Variants in TRPC5 observed in about 807,000 individuals in gnomAD.
TRPC5 encodes the protein transient receptor potential cation channel subfamily C member 5, also known as short transient receptor potential channel 5.
TRPC5 carries 9 observed loss-of-function variants against 56.5 expected under a neutral mutation model. That is an observed-to-expected ratio of 0.16 (90% CI 0.10 to 0.28). The LOEUF (loss-of-function observed/expected upper bound fraction) is 0.28, where lower values mean the gene tolerates loss of function less well. Among genes scored for constraint, TRPC5 ranks in the 10% least tolerant of loss-of-function variants. The probability of loss-of-function intolerance (pLI) is 1.00; values close to 1 mark genes in which losing one functional copy is unlikely to be tolerated. For missense variants in TRPC5, 469 were observed against 748.9 expected (o/e 0.63, Z 4.36); for synonymous variants, 282 against 278.5 (o/e 1.01, Z -0.13).
chrX:111,879,528 C>T (rs1296522779), intron 3 of TRPC5, among the ~76,000 whole-genome samples: 1 of 112,270 alleles, frequency 8.9e-6, no homozygotes. Flanking sequence ...TCCAATAAAC[C>T]AGTCAGCACA....
Position 111,853,661 on chromosome X carries a change from T to C in TRPC5, c.1237+109A>G, listed in dbSNP as rs907033028. On this transcript the variant is annotated intron_variant, in intron 4 of 10. Transcript: ENST00000262839. ...AAAGGACTACCACACTGCATGGGGG[T>C]GGGGTGGGGGTGCCCTAGTTCAGAG... 8.8e-6 allele frequency: 6 copies of C among 679,521 alleles called. No homozygotes were observed. The African/African-American group carries it at 1.3e-4, about 15-fold the overall frequency. The allele number at this position is 679,521 out of a possible 1,213,427, so 56.0% of individuals were successfully genotyped here.
At chrX:111,924,272 G>T (rs1216151035) in intron 2 of TRPC5, among the ~76,000 whole-genome samples, 1 of 110,928 alleles carries the variant, frequency 9.0e-6, no homozygotes, top group Admixed American at 9.6e-5. Context: ...GAGCACATTT[G>T]CCAGCAAAAC....
At chrX:112,037,721 T>A (rs985176895) in intron 1 of TRPC5, among the ~76,000 whole-genome samples, 22 of 111,404 alleles carry the variant, frequency 2.0e-4, no homozygotes, top group Non-Finnish European at 2.6e-4. Flanking sequence ...TGCATTTTTT[T>A]AAAAAAAAGT....
rs755613492 is a variant in TRPC5 at position 111,813,657 on chromosome X, C to T, written c.1896+21264G>A. 2.7e-5 allele frequency among the ~76,000 whole-genome samples: 3 copies of T among 112,364 alleles called. No individual in the cohort carries two copies. The South Asian group carries it at 1.1e-3, about 42-fold the overall frequency. On this transcript the variant is annotated intron_variant, in intron 7 of 10. Transcript: ENST00000262839. ...TAATACAAAGGGAGAGTGGCAGGCA[C>T]AAACACAGCAAAAGCAGAGCTAATG...
chrX:111,970,979 C>T (rs1044297592), intron 1 of TRPC5, among the ~76,000 whole-genome samples: 19 of 110,396 alleles, frequency 1.7e-4, no homozygotes, highest in African/African-American at 6.3e-4. Context: ...GGGGTTTCAC[C>T]GTGTTAGCCA....
At chrX:112,023,246 GTTTTT>G (rs1163231468) in intron 1 of TRPC5, among the ~76,000 whole-genome samples, 3 of 56,702 alleles carry the variant, frequency 5.3e-5, no homozygotes, top group Non-Finnish European at 9.5e-5. Context: ...TTTTTTTTTT[GTTTTT>G]TTTTTTTTTT....
At chrX:112,000,552 G>A (rs902131052) in intron 1 of TRPC5, among the ~76,000 whole-genome samples, 1 of 111,398 alleles carries the variant, frequency 9.0e-6, no homozygotes, top group Admixed American at 9.5e-5. Flanking sequence ...TTTGAGCTAG[G>A]AGAGCCTGGG....
chrX:112,052,231 G>A (rs753153312), intron 1 of TRPC5, among the ~76,000 whole-genome samples: 8 of 111,021 alleles, frequency 7.2e-5, no homozygotes, highest in Non-Finnish European at 1.3e-4. Flanking sequence ...ACCACTTTAC[G>A]TTCCCATCAA....
At chrX:111,835,169 GA>G in intron 6 of TRPC5, 53 bp from the exon 7 acceptor site, 1 of 1,043,327 alleles carries the variant, frequency 9.6e-7, no homozygotes, top group Middle Eastern at 3.0e-4. Flanking sequence ...AGCAAGAAAA[GA>G]GAGAGAAAAT....
At chrX:111,790,592 G>A (rs1044757046) in intron 7 of TRPC5, among the ~76,000 whole-genome samples, 3 of 111,284 alleles carry the variant, frequency 2.7e-5, no homozygotes, top group South Asian at 3.8e-4. Context: ...CTGACTAAAG[G>A]ATTTATTCCG....
chrX:112,001,237 C>T (rs1208488758), intron 1 of TRPC5, among the ~76,000 whole-genome samples: 2 of 111,741 alleles, frequency 1.8e-5, no homozygotes, highest in African/African-American at 6.5e-5. Context: ...GTGCTTTGAA[C>T]TCAGACTCTC....
intron 7 of TRPC5, among the ~76,000 whole-genome samples, chrX:111,788,045 C>T (rs139721098): frequency 0.054 from 5,993 of 111,717 alleles, 390 homozygotes; most frequent in African/African-American, 0.18. Context: ...AAGACGGAAT[C>T]CTCCCTAACT....
chrX:111,906,436 AC>A (rs1488059153), intron 3 of TRPC5, among the ~76,000 whole-genome samples: 1 of 111,500 alleles, frequency 9.0e-6, no homozygotes, highest in Non-Finnish European at 1.9e-5. Context: ...CTGTATTATG[AC>A]AGATTCTGGA....
intron 7 of TRPC5, among the ~76,000 whole-genome samples, chrX:111,822,124 T>G (rs977498291): frequency 1.8e-5 from 2 of 111,886 alleles, no homozygotes; most frequent in Non-Finnish European, 3.8e-5. Flanking sequence ...ACCGACCTGA[T>G]TCTTTGCAAA....
rs762141660 is a variant in TRPC5 at position 111,969,285 on chromosome X, A to G, written c.-21-16844T>C. Among the ~76,000 whole-genome samples the G allele has an allele frequency of 8.0e-5, 9 of 112,133 alleles. No homozygotes were observed. In the East Asian group the frequency reaches 2.5e-3, roughly 31 times the overall value. Reference sequence around the variant, plus strand: ...AATGTTATTGCATACTTAATAGGCTATAGTATAGTGTAAACATAAATTTTA... The same window carrying G: ...AATGTTATTGCATACTTAATAGGCTGTAGTATAGTGTAAACATAAATTTTA... On this transcript the variant is annotated intron_variant, in intron 1 of 10. Coordinates refer to ENST00000262839, the MANE Select transcript of TRPC5 (RefSeq NM_012471.3).
At chrX:111,993,517 A>G (rs1315533328) in intron 1 of TRPC5, among the ~76,000 whole-genome samples, 5 of 112,210 alleles carry the variant, frequency 4.5e-5, no homozygotes, top group African/African-American at 1.6e-4. Flanking sequence ...CACTCCCACC[A>G]ACAGTGTAAA....
intron 2 of TRPC5, among the ~76,000 whole-genome samples, chrX:111,930,056 T>C (rs189516312): frequency 2.2e-4 from 25 of 111,879 alleles, no homozygotes; most frequent in African/African-American, 7.8e-4. Context: ...AGTGTTGAGA[T>C]TGTGGTTTTG....
At chrX:111,925,400 T>C (rs781765605) in intron 2 of TRPC5, among the ~76,000 whole-genome samples, 6 of 112,432 alleles carry the variant, frequency 5.3e-5, no homozygotes, top group Non-Finnish European at 1.1e-4. Flanking sequence ...TAGACTGTTA[T>C]AGTTTTAGAA....
rs181702180 is a variant in TRPC5 at position 111,914,344 on chromosome X, G to A, written c.379-1532C>T. Among the ~76,000 whole-genome samples, 226 of 111,924 alleles carry A rather than the reference G, an allele frequency of 2.0e-3. 1 individual carries two copies. Among genetic ancestry groups the A allele is most frequent in the African/African-American group, 6.8e-3 (208 of 30,808 alleles). On this transcript the variant is annotated intron_variant, in intron 2 of 10. Coordinates refer to ENST00000262839, the MANE Select transcript of TRPC5 (RefSeq NM_012471.3). Reference sequence around the variant, plus strand: ...AAATGTAAGCAGAGAGACAAATCGTGTTTTAATCAATAGGTTCTTTTTACT... The same window carrying A: ...AAATGTAAGCAGAGAGACAAATCGTATTTTAATCAATAGGTTCTTTTTACT...
Sources: gnomAD v4.1 joint callset for allele counts (sites outside exome capture counted in the v4.1 genomes callset) on GRCh38, gnomAD v4.1.1 for gene constraint, MANE v1.5 for transcripts, NCBI Gene and HGNC (gene_info 2026-07-23, HGNC 2026-07-21) for gene names.